PRSS35: variants seen among roughly 807,000 people sequenced by gnomAD.
PRSS35 encodes serine protease 35, also known as inactive serine protease 35.
A neutral mutation model predicts 8.1 loss-of-function variants in PRSS35; 7 were observed. That is an observed-to-expected ratio of 0.86 (90% CI 0.49 to 1.62). The LOEUF is 1.62. PRSS35 is among the 40% of genes most tolerant of loss of function. The pLI, the probability that PRSS35 is intolerant of heterozygous loss-of-function variation, is 0.00. For synonymous variants in PRSS35, 199 were observed against 188.7 expected (o/e 1.05, Z -0.45); for missense variants, 566 against 518.0 (o/e 1.09, Z -0.90).
chr6:83,517,930 A>G (rs992252607), intron 1 of PRSS35, among the ~76,000 whole-genome samples: 6 of 152,210 alleles, frequency 3.9e-5, no homozygotes, highest in Non-Finnish European at 5.9e-5. Flanking sequence ...TGTTTGATGG[A>G]TCAATGCAAA....
At chr6:83,523,225 A>G (rs1771855186) in intron 1 of PRSS35, among the ~76,000 whole-genome samples, 197 bp from the exon 2 acceptor site, 1 of 152,108 alleles carries the variant, frequency 6.6e-6, no homozygotes, top group Non-Finnish European at 1.5e-5. Context: ...TTTGGGTGGA[A>G]AACAACTTAC....
Position 83,524,331 on chromosome 6 carries a change from C to T in PRSS35, c.890C>T (p.Pro297Leu), listed in dbSNP as rs760930035. The T allele has an allele frequency of 1.2e-6, 2 of 1,614,076 alleles. No homozygotes were observed. Among genetic ancestry groups the T allele is most frequent in the South Asian group, 2.2e-5 (2 of 91,072 alleles). Residue 297 changes from proline (P) to leucine (L), a missense_variant, in exon 2 of 2, where the codon CCA becomes CTA. Pro to Leu is a moderately conservative substitution (Grantham distance 98, BLOSUM62 -3). Coordinates refer to ENST00000369700, the MANE Select transcript of PRSS35 (RefSeq NM_153362.3). ...AAATACATGGAACTTGGAATCAGCC[C>T]AACGATCAAGAAAATGCCTGGTGGA... Reference protein sequence around the residue: ...KKKYMELGISPTIKKMPGGMI... With the variant: ...KKKYMELGISLTIKKMPGGMI...
intron 1 of PRSS35, among the ~76,000 whole-genome samples, chr6:83,515,771 C>T (rs996980516): frequency 5.3e-5 from 8 of 151,482 alleles, no homozygotes; most frequent in Non-Finnish European, 1.0e-4. Flanking sequence ...TGTGAGGCAC[C>T]GCGCCCGGCC....
In PRSS35 at chr6:83,523,448, A is replaced by T. The variant is rs1230429981; in HGVS notation, c.7A>T (p.Asn3Tyr). ME[N>Y]MLLWLIFFTP... ...ACAAAATTAGAAGATCAAAATGGAA[A>T]ATATGCTGCTTTGGTTGATATTTTT... The change falls in exon 2 of 2, where the codon AAT becomes TAT. Residue 3 changes from asparagine (N) to tyrosine (Y), a missense_variant. Transcript: ENST00000369700. 1.2e-6 allele frequency: 2 copies of T among 1,606,866 alleles called. No individual in the cohort carries two copies. The highest frequency in any genetic ancestry group is 1.7e-6 in the Non-Finnish European group (2 of 1,177,258).
At position 83,524,570 on chromosome 6, in the gene PRSS35, G is replaced by T; in HGVS notation, c.1129G>T (p.Asp377Tyr). The change falls in exon 2 of 2, where the codon GAT becomes TAT. Residue 377 changes from aspartate (D) to tyrosine (Y), a missense_variant. Physicochemically the swap from Asp to Tyr is radical, Grantham distance 160 (BLOSUM62 -3). Coordinates refer to ENST00000369700, the MANE Select transcript of PRSS35 (RefSeq NM_153362.3). Reference sequence around the variant, plus strand: ...GGTCTACTCAGGGCACCAGTGGGTGGATGTCCACGGGGTTCAGAAGGACTA... The same window carrying T: ...GGTCTACTCAGGGCACCAGTGGGTGTATGTCCACGGGGTTCAGAAGGACTA... ...IAVYSGHQWV[D>Y]VHGVQKDYNV... The T allele has an allele frequency of 6.2e-7, 1 of 1,614,146 alleles. No homozygotes were observed. Among genetic ancestry groups the T allele is most frequent in the South Asian group, 1.1e-5 (1 of 91,076 alleles).
At chr6:83,518,866 A>G (rs893904198) in intron 1 of PRSS35, among the ~76,000 whole-genome samples, 1 of 151,878 alleles carries the variant, frequency 6.6e-6, no homozygotes, top group Non-Finnish European at 1.5e-5. Flanking sequence ...TAACAATGTT[A>G]TGAAGTCGAA....
At chr6:83,522,317 T>C (rs1436484585) in intron 1 of PRSS35, among the ~76,000 whole-genome samples, 3 of 152,124 alleles carry the variant, frequency 2.0e-5, no homozygotes, top group African/African-American at 4.8e-5. Context: ...AGCATGCTCC[T>C]ACTATACCCA....
At position 83,522,180 on chromosome 6, in the gene PRSS35, C is replaced by A. The variant is rs575554994; in HGVS notation, c.-20-1242C>A. On this transcript the variant is annotated intron_variant, in intron 1 of 1. Coordinates refer to ENST00000369700, the MANE Select transcript of PRSS35 (RefSeq NM_153362.3). ...GTATTGTAGGGATAAGCGAATGCTGCATTGCCTCTGCTTTATACAAAGTAC... is the reference window on the plus strand; with the variant it reads ...GTATTGTAGGGATAAGCGAATGCTGAATTGCCTCTGCTTTATACAAAGTAC... 2.6e-5 allele frequency among the ~76,000 whole-genome samples: 4 copies of A among 152,346 alleles called. No individual in the cohort carries two copies. The East Asian group carries it at 7.7e-4, about 29-fold the overall frequency.
In PRSS35 at chr6:83,523,787, G is replaced by T. The variant is rs201992952; in HGVS notation, c.346G>T (p.Val116Leu). 2 of 1,614,064 alleles carry T rather than the reference G, an allele frequency of 1.2e-6. No homozygotes were observed. Among genetic ancestry groups the T allele is most frequent in the Non-Finnish European group, 1.7e-6 (2 of 1,180,050 alleles). The change falls in exon 2 of 2, where the codon GTA becomes TTA. Residue 116 changes from valine (V) to leucine (L), a missense_variant. Transcript: ENST00000369700. ...GACTCAAAATATCACCACAAAGGGA[G>T]TATCTGTTAGGAGAAAGAGACAGGT... The part of the protein sequence containing the change: ...EPTQNITTKG[V>L]SVRRKRQVYG...
At chr6:83,521,144 C>T (rs2127713516) in intron 1 of PRSS35, among the ~76,000 whole-genome samples, 1 of 152,236 alleles carries the variant, frequency 6.6e-6, no homozygotes, top group African/African-American at 2.4e-5. Flanking sequence ...TAAAAATATA[C>T]ATAATGATAT....
At chr6:83,520,576 G>A (rs771452646) in intron 1 of PRSS35, among the ~76,000 whole-genome samples, 3 of 152,144 alleles carry the variant, frequency 2.0e-5, no homozygotes, top group Non-Finnish European at 2.9e-5. Flanking sequence ...ATGTGAACGT[G>A]AACACAGAGA....
At chr6:83,519,659 C>T (rs1355714845) in intron 1 of PRSS35, among the ~76,000 whole-genome samples, 1 of 152,158 alleles carries the variant, frequency 6.6e-6, no homozygotes, top group African/African-American at 2.4e-5. Context: ...TAAACATTTG[C>T]CCAATTTTAA....
At chr6:83,518,313 G>A (rs995414921) in intron 1 of PRSS35, among the ~76,000 whole-genome samples, 1 of 150,086 alleles carries the variant, frequency 6.7e-6, no homozygotes, top group South Asian at 2.1e-4. Context: ...TCAAAAAGTT[G>A]TTTTTTTTTC....
rs148479497 is a variant in PRSS35, at chr6:83,523,851, G to A, written c.410G>A (p.Arg137Lys). The change falls in exon 2 of 2, where the codon AGG becomes AAG. Residue 137 changes from arginine (R) to lysine (K), a missense_variant. By Grantham distance (26) the Arg-to-Lys change is conservative. Transcript: ENST00000369700. ...AGCAGGTTCAGCATCTTGGACAAAAGGTTCTTAACCAATTTCCCTTTCAGC... is the reference window on the plus strand; with the variant it reads ...AGCAGGTTCAGCATCTTGGACAAAAAGTTCTTAACCAATTTCCCTTTCAGC... The part of the protein sequence containing the change: ...TDSRFSILDK[R>K]FLTNFPFSTA... The A allele has an allele frequency of 1.2e-6, 2 of 1,614,046 alleles. No individual in the cohort carries two copies. The highest frequency in any genetic ancestry group is 1.1e-5 in the South Asian group (1 of 91,090).
intron 1 of PRSS35, among the ~76,000 whole-genome samples, chr6:83,521,741 A>G (rs971801079): frequency 6.6e-6 from 1 of 151,962 alleles, no homozygotes; most frequent in South Asian, 2.1e-4. Context: ...TATTCAAGCA[A>G]TCCTCCGATC....
chr6:83,522,510 T>C (rs182272286), intron 1 of PRSS35, among the ~76,000 whole-genome samples: 18 of 152,290 alleles, frequency 1.2e-4, no homozygotes, highest in Admixed American at 7.2e-4. Context: ...TGGTCTTAGA[T>C]GGTGAGACCT....
chr6:83,524,858 T>C lies in PRSS35; in HGVS notation c.*175T>C. On this transcript the variant is annotated 3_prime_UTR_variant, in exon 2 of 2. Transcript: ENST00000369700. ...TTTAAAAAATGTATAGGTGCAGATA[T>C]TGAAACTAGGTGGGCACTTCAATGC... 1.5e-6 allele frequency: 1 copy of C among 679,760 alleles called. No homozygotes were observed. Among genetic ancestry groups the C allele is most frequent in the Non-Finnish European group, 2.4e-6 (1 of 413,830 alleles). The allele number at this position is 679,760 out of a possible 1,614,324, so 42.1% of individuals were successfully genotyped here.
At position 83,515,953 on chromosome 6, in the gene PRSS35, T is replaced by C. The variant is rs181148685; in HGVS notation, c.-21+3259T>C. ...CCTCAGCCTCCCCAGTAGCTGGGAT[T>C]ACAGGTACACAACAGCATGCCTGGC... is the stretch of plus-strand genomic sequence containing the variant. On this transcript the variant is annotated intron_variant, in intron 1 of 1. Coordinates refer to ENST00000369700, the MANE Select transcript of PRSS35 (RefSeq NM_153362.3). Among the ~76,000 whole-genome samples, 429 of 152,194 alleles carry C rather than the reference T, an allele frequency of 2.8e-3. 1 individual carries two copies. The highest frequency in any genetic ancestry group is 0.01 in the African/African-American group (416 of 41,552).
chr6:83,524,181 C>CT lies in PRSS35; in HGVS notation c.742dup (p.Ser248PhefsTer29), dbSNP rs1468413752. The CT allele has an allele frequency of 6.2e-7, 1 of 1,614,038 alleles. No homozygotes were observed. Among genetic ancestry groups the CT allele is most frequent in the Non-Finnish European group, 8.5e-7 (1 of 1,179,984 alleles). On this transcript the variant is annotated frameshift_variant, in exon 2 of 2. Transcript: ENST00000369700. LOFTEE classifies it low-confidence loss of function (END_TRUNC). ...GGTCAGAGGATTGCCGAAGGGAGGC[C>CT]TTCCTTTCAGTGGACCCGGGTCAAG...
Sources: allele counts gnomAD v4.1 joint callset (sites outside exome capture counted in the v4.1 genomes callset), GRCh38; gene constraint gnomAD v4.1.1; transcripts MANE v1.5; gene names NCBI Gene and HGNC (gene_info 2026-07-23, HGNC 2026-07-21).